Variants in RAB11FIP3 observed in about 807,000 individuals in gnomAD.
RAB11FIP3 encodes RAB11 family interacting protein 3.
RAB11FIP3 carries 17 observed loss-of-function variants against 77.8 expected under a neutral mutation model. The ratio of observed to expected loss-of-function variants is 0.22; its 90% CI spans 0.15 to 0.33. The LOEUF (loss-of-function observed/expected upper bound fraction) is 0.33. Ranked by LOEUF, RAB11FIP3 falls within the 10% of genes least tolerant of loss-of-function variation. RAB11FIP3 has a pLI of 1.00. For synonymous variants in RAB11FIP3, 437 were observed against 448.2 expected (o/e 0.98, Z 0.31); for missense variants, 1,005 against 1,011.2 (o/e 0.99, Z 0.08).
intron 1 of RAB11FIP3, among the ~76,000 whole-genome samples, chr16:459,124 CTTTT>C (rs577962652): frequency 1.5e-5 from 2 of 135,550 alleles, no homozygotes. Flanking sequence ...AGTGTTCAAA[CTTTT>C]TTTTTTTTTT....
At chr16:497,357 T>G in intron 6 of RAB11FIP3, 1 of 1,303,094 alleles carries the variant, frequency 7.7e-7, no homozygotes, top group East Asian at 5.6e-5. Context: ...CTTCCTCCCC[T>G]GCCAGTTCTT....
At chr16:486,605 G>T (rs2056158788) in intron 4 of RAB11FIP3, among the ~76,000 whole-genome samples, 1 of 152,256 alleles carries the variant, frequency 6.6e-6, no homozygotes, top group Admixed American at 6.5e-5. Context: ...ACCGTGGAAA[G>T]CACGTTGGGC....
intron 2 of RAB11FIP3, among the ~76,000 whole-genome samples, chr16:463,445 T>C (rs1420440630): frequency 1.3e-5 from 2 of 148,464 alleles, no homozygotes; most frequent in African/African-American, 5.0e-5. Context: ...TTTTTTTTTT[T>C]TTTTTTTTTT....
intron 5 of RAB11FIP3, among the ~76,000 whole-genome samples, chr16:492,437 C>T (rs865941057): frequency 2.8e-5 from 4 of 142,566 alleles, no homozygotes; most frequent in Non-Finnish European, 4.7e-5. Flanking sequence ...CCGGGAGACC[C>T]GAGGCCGCCC....
intron 3 of RAB11FIP3, among the ~76,000 whole-genome samples, chr16:478,200 T>TG (rs1318223470): frequency 1.1e-4 from 17 of 151,512 alleles, no homozygotes; most frequent in Non-Finnish European, 2.5e-4. Flanking sequence ...TACTTCTTTT[T>TG]TTTTTTTTTT....
chr16:466,276 T>C (rs2055700872), intron 2 of RAB11FIP3, among the ~76,000 whole-genome samples: 2 of 151,920 alleles, frequency 1.3e-5, no homozygotes, highest in South Asian at 2.1e-4. Flanking sequence ...TTTGGACAGG[T>C]GAAGTGCTCA....
intron 4 of RAB11FIP3, among the ~76,000 whole-genome samples, chr16:485,703 C>T (rs911106594): frequency 6.6e-6 from 1 of 152,012 alleles, no homozygotes; most frequent in Non-Finnish European, 1.5e-5. Context: ...GAGCCACAGC[C>T]CCTGGCCAGA....
At chr16:464,170 G>A (rs976202542) in intron 2 of RAB11FIP3, among the ~76,000 whole-genome samples, 56 of 152,130 alleles carry the variant, frequency 3.7e-4, no homozygotes, top group Non-Finnish European at 8.8e-5. Flanking sequence ...CAGACCCTCA[G>A]GAGGCAGCAT....
chr16:482,725 G>A lies in RAB11FIP3; in HGVS notation c.1104G>A (p.Leu368=). ...MEEPDHGALL[L]LPGRPHPHGQ... ...AGCCCGACCATGGTGCCCTGCTGCT[G>A]CTCCCAGGCAGGTCTGTACCCCGCC... Residue 368 remains leucine (L), a synonymous_variant, in exon 4 of 14, where the codon CTG becomes CTA. Transcript: ENST00000262305. The A allele has an allele frequency of 6.2e-7, 1 of 1,603,742 alleles. No homozygotes were observed. The highest frequency in any genetic ancestry group is 8.5e-7 in the Non-Finnish European group (1 of 1,176,792).
chr16:461,161 G>A lies in RAB11FIP3; in HGVS notation c.715-243G>A, dbSNP rs1174908631. ...TCATCCGGCGTTAGAGTCTCATAAG[G>A]AGCGCGCAACCTGGACCCCTCGCAT... On this transcript the variant is annotated intron_variant, in intron 1 of 13. Transcript: ENST00000262305. The surrounding 1 kb of genome is among the most constrained non-coding windows in gnomAD (Gnocchi z 4.5). Among the ~76,000 whole-genome samples, 1 of 152,196 alleles carries A rather than the reference G, an allele frequency of 6.6e-6. No homozygotes were observed. Among genetic ancestry groups the A allele is most frequent in the Non-Finnish European group, 1.5e-5 (1 of 68,040 alleles).
intron 4 of RAB11FIP3, among the ~76,000 whole-genome samples, chr16:486,348 T>C (rs1215887348): frequency 6.6e-6 from 1 of 152,062 alleles, no homozygotes; most frequent in Non-Finnish European, 1.5e-5. Flanking sequence ...AAAAACTAGC[T>C]GGGCCTGGTG....
At chr16:496,903 A>G in intron 6 of RAB11FIP3, 44 bp downstream of exon 6, 1 of 1,483,424 alleles carries the variant, frequency 6.7e-7, no homozygotes. Flanking sequence ...TCTGAAGTGG[A>G]TAATTAATCA....
Position 494,464 on chromosome 16 carries a change from T to C in RAB11FIP3, c.1266-2360T>C, listed in dbSNP as rs1596275854. 2.0e-5 allele frequency among the ~76,000 whole-genome samples: 3 copies of C among 150,634 alleles called. 1 individual carries two copies. Among genetic ancestry groups the C allele is most frequent in the African/African-American group, 7.3e-5 (3 of 41,012 alleles). ...GGTGAAACCCCATCTCTACTAAAAATATAAAAAATTAGCCGGGCGTGGTGG... is the reference window on the plus strand; with the variant it reads ...GGTGAAACCCCATCTCTACTAAAAACATAAAAAATTAGCCGGGCGTGGTGG... On this transcript the variant is annotated intron_variant, in intron 5 of 13. Coordinates refer to ENST00000262305, the MANE Select transcript of RAB11FIP3 (RefSeq NM_014700.4).
At chr16:455,621 G>C (rs1440746824) in intron 1 of RAB11FIP3, among the ~76,000 whole-genome samples, 4 of 152,114 alleles carry the variant, frequency 2.6e-5, no homozygotes, top group Non-Finnish European at 4.4e-5. Flanking sequence ...TTGGGAGATA[G>C]GGTCTCACTC....
chr16:499,638 A>G (rs893636706), intron 6 of RAB11FIP3, among the ~76,000 whole-genome samples: 5 of 152,046 alleles, frequency 3.3e-5, no homozygotes, highest in Admixed American at 6.5e-5. Flanking sequence ...TCTACTAAAA[A>G]TACAAAAATT....
chr16:438,247 A>T (rs1281697470), intron 1 of RAB11FIP3, among the ~76,000 whole-genome samples: 3 of 151,570 alleles, frequency 2.0e-5, no homozygotes, highest in Non-Finnish European at 2.9e-5. Context: ...AGCTGGGATT[A>T]CAGGCACGTA....
At position 507,232 on chromosome 16, in the gene RAB11FIP3, C is replaced by G. The variant is rs1355518512; in HGVS notation, c.1499+1605C>G. 6.6e-6 allele frequency among the ~76,000 whole-genome samples: 1 copy of G among 152,130 alleles called. No homozygotes were observed. Among genetic ancestry groups the G allele is most frequent in the Non-Finnish European group, 1.5e-5 (1 of 68,014 alleles). On this transcript the variant is annotated intron_variant, in intron 8 of 13. Transcript: ENST00000262305. This position sits in a 1 kb window ranked among gnomAD's most constrained non-coding sequence, Gnocchi z 4.6. The stretch of plus-strand genomic sequence containing the variant: ...GTTCAAGCGATTCTTCTGCCTCAGC[C>G]TCCTGAGTAGCTGGGACTTGCAGGC...
chr16:426,198 A>G lies in RAB11FIP3; in HGVS notation c.192A>G (p.Ala64=). ...GLDEPAPGAA[A]DGGARWSAGP... is the part of the protein sequence containing the mutation. ...ATGAGCCTGCGCCCGGGGCCGCTGC[A>G]GATGGCGGGGCGCGTTGGAGCGCCG... The change falls in exon 1 of 14, where the codon GCA becomes GCG. Residue 64 remains alanine, a synonymous_variant. Transcript: ENST00000262305. This position sits in a 1 kb window ranked among gnomAD's most constrained non-coding sequence, Gnocchi z 5.0. The G allele has an allele frequency of 9.8e-7, 1 of 1,017,894 alleles. No individual in the cohort carries two copies. The allele number at this position is 1,017,894 out of a possible 1,614,324, so 63.1% of individuals were successfully genotyped here.
chr16:504,819 C>A (rs189841416), intron 7 of RAB11FIP3, among the ~76,000 whole-genome samples: 1 of 1,246 alleles, frequency 8.0e-4, no homozygotes, highest in African/African-American at 4.8e-3. Context: ...ACCTCCTGTA[C>A]CCCCTCATCT....
Sources: allele counts gnomAD v4.1 joint callset (sites outside exome capture counted in the v4.1 genomes callset), GRCh38; gene constraint gnomAD v4.1.1; non-coding constraint Gnocchi (gnomAD v3.1); transcripts MANE v1.5; gene names NCBI Gene and HGNC (gene_info 2026-07-23, HGNC 2026-07-21).